Variants in PDGFRA observed in about 807,000 individuals in gnomAD.
PDGFRA encodes the protein platelet-derived growth factor receptor alpha.
A neutral mutation model predicts 121.5 loss-of-function variants in PDGFRA; 25 were observed. That is an observed-to-expected ratio of 0.21 (90% CI 0.15 to 0.29). PDGFRA has a LOEUF of 0.29. Among genes scored for constraint, PDGFRA ranks in the 10% least tolerant of loss-of-function variants. PDGFRA has a pLI of 1.00. For synonymous variants in PDGFRA, 463 were observed against 494.8 expected (o/e 0.94, Z 0.85); for missense variants, 1,008 against 1,345.1 (o/e 0.75, Z 3.92).
chr4:54,264,122 T>C (rs1459588767), intron 4 of PDGFRA, 195 bp downstream of exon 4: 1 of 605,542 alleles, frequency 1.7e-6, no homozygotes, highest in African/African-American at 1.9e-5. Context: ...CAAAGCTTGA[T>C]TACCCATGCA....
chr4:54,229,435 G>T lies in PDGFRA; in HGVS notation c.-13+20G>T. On this transcript the variant is annotated intron_variant, in intron 1 of 22. Coordinates refer to ENST00000257290, the MANE Select transcript of PDGFRA (RefSeq NM_006206.6). ...GAGAAGGTAAGGGAAAAGAAAAAAT[G>T]ATTTTTTGTTTATAAGGGAAGTCCC... is the stretch of plus-strand genomic sequence containing the variant. The T allele has an allele frequency of 2.5e-6, 1 of 397,026 alleles. No individual in the cohort carries two copies. Among genetic ancestry groups the T allele is most frequent in the South Asian group, 1.3e-4 (1 of 7,810 alleles). The allele number at this position is 397,026 out of a possible 1,614,324, so 24.6% of individuals were successfully genotyped here.
chr4:54,250,144 G>T (rs1721969741), intron 1 of PDGFRA, among the ~76,000 whole-genome samples: 1 of 152,110 alleles, frequency 6.6e-6, no homozygotes, highest in Non-Finnish European at 1.5e-5. Flanking sequence ...GAAAAATAAG[G>T]GAGAGAAAAG....
At chr4:54,242,161 G>T (rs939624458) in intron 1 of PDGFRA, among the ~76,000 whole-genome samples, 7 of 152,106 alleles carry the variant, frequency 4.6e-5, no homozygotes, top group Admixed American at 2.0e-4. Flanking sequence ...TCAGTTCCTG[G>T]CTTAGAGAAT....
intron 16 of PDGFRA, among the ~76,000 whole-genome samples, chr4:54,284,432 T>C (rs775076149): frequency 6.6e-6 from 1 of 152,150 alleles, no homozygotes; most frequent in Admixed American, 6.5e-5. Flanking sequence ...AGAGGTTTCA[T>C]TGGCACATGG....
intron 1 of PDGFRA, among the ~76,000 whole-genome samples, chr4:54,245,634 G>A (rs1170909544): frequency 6.6e-6 from 1 of 152,102 alleles, no homozygotes; most frequent in South Asian, 2.1e-4. Flanking sequence ...GACCATTGAG[G>A]CTAGGAAGAA....
chr4:54,261,071 T>C, intron 2 of PDGFRA, 24 bp from the exon 3 acceptor site: 1 of 1,608,996 alleles, frequency 6.2e-7, no homozygotes, highest in Non-Finnish European at 8.5e-7. Context: ...CTGCATCCTA[T>C]TCAGAGCGTG....
At chr4:54,274,997 C>T in intron 12 of PDGFRA, 24 bp downstream of exon 12, 2 of 1,613,256 alleles carry the variant, frequency 1.2e-6, no homozygotes, top group Non-Finnish European at 1.7e-6. Context: ...GGTAACCTCC[C>T]AAGACTCCCT....
At chr4:54,264,773 T>G in intron 4 of PDGFRA, 146 bp from the exon 5 acceptor site, 3 of 682,546 alleles carry the variant, frequency 4.4e-6, no homozygotes, top group East Asian at 5.4e-5. Context: ...TCAAGCCTTG[T>G]GAGATTTTCC....
intron 1 of PDGFRA, among the ~76,000 whole-genome samples, chr4:54,241,855 G>A (rs1469850628): frequency 1.3e-5 from 2 of 152,090 alleles, no homozygotes; most frequent in Non-Finnish European, 2.9e-5. Context: ...ACCCAGCCAG[G>A]AAATTTATAT....
chr4:54,281,218 T>A (rs1396383698), intron 16 of PDGFRA, among the ~76,000 whole-genome samples: 1 of 152,156 alleles, frequency 6.6e-6, no homozygotes, highest in Non-Finnish European at 1.5e-5. Flanking sequence ...GTCACAGACA[T>A]GAAGCTGGAA....
rs1560488978 is a variant in PDGFRA, at chr4:54,285,444, C to A, written c.2397C>A (p.Thr799=). 6.3e-7 allele frequency: 1 copy of A among 1,586,038 alleles called. No homozygotes were observed. Among genetic ancestry groups the A allele is most frequent in the Non-Finnish European group, 8.7e-7 (1 of 1,154,510 alleles). The part of the protein sequence containing the change: ...GLTLLDLLSF[T]YQVARGMEFL... The stretch of plus-strand genomic sequence containing the variant: ...CTTTATTGGATTTGTTGAGCTTCAC[C>A]TATCAAGTTGCCCGAGGAATGGAGT... The change falls in exon 17 of 23, where the codon ACC becomes ACA. Residue 799 remains threonine, a synonymous_variant. Transcript: ENST00000257290.
chr4:54,262,402 G>C (rs192169479), intron 3 of PDGFRA, among the ~76,000 whole-genome samples: 119 of 152,152 alleles, frequency 7.8e-4, no homozygotes, highest in Middle Eastern at 6.8e-3. Context: ...CAAAAGGGTC[G>C]AGCACAAGTG....
At chr4:54,288,705 C>G (rs1724474310) in intron 19 of PDGFRA, 94 bp from the exon 20 acceptor site, 1 of 808,864 alleles carries the variant, frequency 1.2e-6, no homozygotes, top group East Asian at 2.4e-5. Flanking sequence ...GCTATAGGAT[C>G]TGAAAGGTTT....
intron 22 of PDGFRA, among the ~76,000 whole-genome samples, chr4:54,294,588 A>G (rs75012516): frequency 0.022 from 3,317 of 151,892 alleles, 61 homozygotes; most frequent in Non-Finnish European, 0.037. Flanking sequence ...CCTTTCAGCC[A>G]CTTCTCTAGT....
In PDGFRA at chr4:54,276,084, C is replaced by G. The variant is rs1028371444; in HGVS notation, c.1786+1111C>G. On this transcript the variant is annotated intron_variant, in intron 12 of 22. Coordinates refer to ENST00000257290, the MANE Select transcript of PDGFRA (RefSeq NM_006206.6). ...TTGGAGACCCTGTATTTCGATGCAC[C>G]AGCTGACACCACCCAGGTCAATAAA... Among the ~76,000 whole-genome samples the G allele has an allele frequency of 2.0e-5, 3 of 152,108 alleles. No homozygotes were observed. In the East Asian group the frequency reaches 5.8e-4, roughly 29 times the overall value.
chr4:54,295,323 G>A lies in PDGFRA; in HGVS notation c.*51G>A, dbSNP rs141346675. Reference sequence around the variant, plus strand: ...ACTTCTGGGGCCACCTCTGGATCCCGTTCAGAAAACCACTTTATTGCAATG... The same window carrying A: ...ACTTCTGGGGCCACCTCTGGATCCCATTCAGAAAACCACTTTATTGCAATG... On this transcript the variant is annotated 3_prime_UTR_variant, in exon 23 of 23. Transcript: ENST00000257290. The A allele has an allele frequency of 3.4e-3, 5,471 of 1,596,206 alleles. 102 individuals carry two copies. The highest frequency in any genetic ancestry group is 0.033 in the South Asian group (3,004 of 90,668).
chr4:54,231,891 G>T (rs578031901), intron 1 of PDGFRA, among the ~76,000 whole-genome samples: 1 of 152,260 alleles, frequency 6.6e-6, no homozygotes, highest in Non-Finnish European at 1.5e-5. Flanking sequence ...CTCGGGACGC[G>T]GACTGAGGAG....
Position 54,295,581 on chromosome 4 carries a change from C to T in PDGFRA, c.*309C>T, listed in dbSNP as rs560545286. The T allele has an allele frequency of 4.9e-5, 22 of 445,198 alleles. No individual in the cohort carries two copies. Among genetic ancestry groups the T allele is most frequent in the South Asian group, 4.8e-4 (19 of 39,630 alleles). The allele number at this position is 445,198 out of a possible 1,614,324, so 27.6% of individuals were successfully genotyped here. A position where few individuals can be genotyped will look rare whatever the true frequency, so the allele number is the denominator to read the frequency against. The stretch of plus-strand genomic sequence containing the variant: ...GTGCTTCAAGGACATTGGTGAGAGT[C>T]CAACAGACACAATTTATACTGCGAC... On this transcript the variant is annotated 3_prime_UTR_variant, in exon 23 of 23. Transcript: ENST00000257290.
chr4:54,281,437 C>T, intron 16 of PDGFRA: 1 of 403,162 alleles, frequency 2.5e-6, no homozygotes, highest in Non-Finnish European at 4.6e-6. Context: ...TTTTCCATTT[C>T]TGCGGTTCCA....
Sources: gnomAD v4.1 joint callset for allele counts (sites outside exome capture counted in the v4.1 genomes callset) on GRCh38, gnomAD v4.1.1 for gene constraint, MANE v1.5 for transcripts, NCBI Gene and HGNC (gene_info 2026-07-23, HGNC 2026-07-21) for gene names.